HMGCLL1: variants seen among roughly 807,000 people sequenced by gnomAD.
HMGCLL1 encodes 3-hydroxymethyl-3-methylglutaryl-CoA lyase, cytoplasmic.
In HMGCLL1, 36 loss-of-function variants were observed where a neutral mutation model predicts 39.1. That is an observed-to-expected ratio of 0.92 (90% CI 0.71 to 1.22). HMGCLL1 has a LOEUF of 1.22. Among genes scored for constraint, HMGCLL1 ranks in the 50% most tolerant of loss-of-function variants. The probability of loss-of-function intolerance (pLI) is 0.00; values close to 1 mark genes in which losing one functional copy is unlikely to be tolerated. For synonymous variants in HMGCLL1, 149 were observed against 144.0 expected (o/e 1.03, Z -0.25); for missense variants, 451 against 416.5 (o/e 1.08, Z -0.72).
At chr6:55,666,548 A>AT in the HMGCLL1 span, among the ~76,000 whole-genome samples, 2 of 151,606 alleles carry the variant, frequency 1.3e-5, no homozygotes, top group South Asian at 2.1e-4. Flanking sequence ...TAGAGTTTTT[A>AT]TTTTTTTATT....
intron 3 of HMGCLL1, among the ~76,000 whole-genome samples, chr6:55,520,208 G>A (rs1475873397): frequency 6.7e-6 from 1 of 148,246 alleles, no homozygotes; most frequent in African/African-American, 2.5e-5. Context: ...GTAACAAACT[G>A]CATATTCTGC....
chr6:55,669,839 A>T, the HMGCLL1 span, among the ~76,000 whole-genome samples: 1 of 151,846 alleles, frequency 6.6e-6, no homozygotes, highest in African/African-American at 2.4e-5. Context: ...TAAAAAATGA[A>T]CAGAGCCTCA....
chr6:55,453,789 A>G (rs982927437), intron 7 of HMGCLL1, among the ~76,000 whole-genome samples: 2 of 152,246 alleles, frequency 1.3e-5, no homozygotes, highest in Non-Finnish European at 2.9e-5. Flanking sequence ...GTTAAGGAAT[A>G]AATTTGAGAT....
chr6:55,625,285 T>C, the HMGCLL1 span, among the ~76,000 whole-genome samples: 17 of 152,008 alleles, frequency 1.1e-4, no homozygotes, highest in Admixed American at 1.1e-3. Flanking sequence ...AGCCATGAAG[T>C]GGGTTGTGCA....
intron 7 of HMGCLL1, among the ~76,000 whole-genome samples, chr6:55,483,590 C>T (rs1456140426): frequency 5.9e-5 from 9 of 152,020 alleles, no homozygotes; most frequent in South Asian, 2.1e-4. Context: ...AGGACTAAGG[C>T]GTGGTGTTAT....
At chr6:55,546,339 CT>C (rs1469616185) in intron 1 of HMGCLL1, among the ~76,000 whole-genome samples, 1 of 151,978 alleles carries the variant, frequency 6.6e-6, no homozygotes, top group African/African-American at 2.4e-5. Flanking sequence ...TTGTAGAAGC[CT>C]ATTTTAAAGC....
chr6:55,472,100 C>T (rs916571416), intron 7 of HMGCLL1, among the ~76,000 whole-genome samples: 4 of 151,534 alleles, frequency 2.6e-5, no homozygotes, highest in African/African-American at 9.7e-5. Context: ...ATAAAGAGTA[C>T]TAGTGTGAAC....
intron 7 of HMGCLL1, among the ~76,000 whole-genome samples, chr6:55,458,368 T>C (rs547718424): frequency 2.6e-5 from 4 of 152,240 alleles, no homozygotes; most frequent in African/African-American, 9.6e-5. Flanking sequence ...ATAATAGTGA[T>C]ACAGGAAAGC....
chr6:55,526,109 G>T (rs1318265006), intron 3 of HMGCLL1, among the ~76,000 whole-genome samples: 1 of 151,774 alleles, frequency 6.6e-6, no homozygotes, highest in Admixed American at 6.6e-5. Flanking sequence ...AGAATAATTT[G>T]CAGCTAAGCC....
the HMGCLL1 span, among the ~76,000 whole-genome samples, chr6:55,675,527 A>G: frequency 5.3e-5 from 8 of 152,248 alleles, no homozygotes; most frequent in East Asian, 1.3e-3. Context: ...ATTCTTTTCT[A>G]AAGGATGTAA....
At chr6:55,594,176 TA>T in the HMGCLL1 span, among the ~76,000 whole-genome samples, 16 of 152,328 alleles carry the variant, frequency 1.1e-4, no homozygotes, top group African/African-American at 3.8e-4. Flanking sequence ...TTCATAATTA[TA>T]AAAAAATTTG....
chr6:55,673,716 A>T, the HMGCLL1 span, among the ~76,000 whole-genome samples: 4 of 151,970 alleles, frequency 2.6e-5, no homozygotes, highest in African/African-American at 9.7e-5. Flanking sequence ...GATGATAATA[A>T]TAAAAATAAT....
chr6:55,641,543 T>G, the HMGCLL1 span, among the ~76,000 whole-genome samples: 1 of 151,864 alleles, frequency 6.6e-6, no homozygotes, highest in African/African-American at 2.4e-5. Context: ...GAGAAATAAG[T>G]ACAAGGATAT....
chr6:55,520,896 C>T (rs963405930), intron 3 of HMGCLL1, among the ~76,000 whole-genome samples: 2 of 151,430 alleles, frequency 1.3e-5, no homozygotes, highest in African/African-American at 4.9e-5. Flanking sequence ...AAAAATAGGC[C>T]TACCATGGTT....
At chr6:55,580,154 C>T (rs934775673), upstream of HMGCLL1, among the ~76,000 whole-genome samples, 18 of 151,730 alleles carry the variant, frequency 1.2e-4, no homozygotes, top group African/African-American at 4.4e-4. Context: ...TATAAACACA[C>T]AGAAGAAATT....
intron 1 of HMGCLL1, among the ~76,000 whole-genome samples, chr6:55,555,879 T>C (rs1296193536): frequency 6.6e-6 from 1 of 152,156 alleles, no homozygotes; most frequent in Non-Finnish European, 1.5e-5. Flanking sequence ...AAACAGTAGG[T>C]CCCATGGTCT....
chr6:55,461,545 A>G (rs1245978020), intron 7 of HMGCLL1, among the ~76,000 whole-genome samples: 2 of 152,098 alleles, frequency 1.3e-5, no homozygotes, highest in East Asian at 1.9e-4. Context: ...AAGAACAAGA[A>G]TATAACTAAC....
the HMGCLL1 span, among the ~76,000 whole-genome samples, chr6:55,595,061 C>T: frequency 6.6e-6 from 1 of 151,980 alleles, no homozygotes; most frequent in African/African-American, 2.4e-5. Context: ...AAAATAGAAA[C>T]ATACATTTCA....
the HMGCLL1 span, among the ~76,000 whole-genome samples, chr6:55,632,032 T>C: frequency 6.6e-6 from 1 of 152,132 alleles, no homozygotes; most frequent in Non-Finnish European, 1.5e-5. Context: ...TTTTTTTGTT[T>C]GTTTGTTTTG....
Sources: allele counts gnomAD v4.1 joint callset (sites outside exome capture counted in the v4.1 genomes callset), GRCh38; gene constraint gnomAD v4.1.1; transcripts MANE v1.5; gene names NCBI Gene and HGNC (gene_info 2026-07-23, HGNC 2026-07-21).